Variants in RIOK3 observed in about 807,000 individuals in gnomAD.
RIOK3 encodes the protein RIO kinase 3, also known as serine/threonine-protein kinase RIO3.
Under a neutral mutation model 63.5 loss-of-function variants are expected in RIOK3, and 40 were observed. That is an observed-to-expected ratio of 0.63 (90% confidence interval 0.49 to 0.82). RIOK3 has a LOEUF of 0.82. Among genes scored for constraint, RIOK3 ranks in the 40% least tolerant of loss-of-function variants. The pLI, the probability that RIOK3 is intolerant of heterozygous loss-of-function variation, is 0.00. For synonymous variants in RIOK3, 193 were observed against 205.0 expected (o/e 0.94, Z 0.50); for missense variants, 557 against 637.0 (o/e 0.87, Z 1.35).
chr18:23,474,889 A>G (rs2057478903), intron 8 of RIOK3, 59 bp from the exon 9 acceptor site: 2 of 1,303,936 alleles, frequency 1.5e-6, no homozygotes, highest in South Asian at 1.3e-5. Flanking sequence ...TTTATTGAAT[A>G]AATGACATAT....
chr18:23,481,508 A>G lies in RIOK3; in HGVS notation c.*229A>G. On this transcript the variant is annotated 3_prime_UTR_variant, in exon 13 of 13. Transcript: ENST00000339486. ...ATGAACAGGATAATATAATTCTTTAACAGCTATAGGTTATCTGGCTGAAGT... is the reference window on the plus strand; with the variant it reads ...ATGAACAGGATAATATAATTCTTTAGCAGCTATAGGTTATCTGGCTGAAGT... The G allele has an allele frequency of 2.5e-6, 1 of 395,470 alleles. No homozygotes were observed. Among genetic ancestry groups the G allele is most frequent in the Non-Finnish European group, 4.5e-6 (1 of 223,558 alleles). 24.5% of individuals were successfully genotyped at this position (395,470 alleles called of 1,614,324 possible). A position where few individuals can be genotyped will look rare whatever the true frequency, so the allele number is the denominator to read the frequency against.
chr18:23,472,279 A>G (rs1314967448), intron 7 of RIOK3, among the ~76,000 whole-genome samples: 1 of 152,080 alleles, frequency 6.6e-6, no homozygotes, highest in Non-Finnish European at 1.5e-5. Flanking sequence ...GATGATATTT[A>G]GAGCCATGGG....
In RIOK3 at chr18:23,463,033, A is replaced by G; in HGVS notation, c.133A>G (p.Lys45Glu). 6.2e-7 allele frequency: 1 copy of G among 1,610,518 alleles called. No homozygotes were observed. Among genetic ancestry groups the G allele is most frequent in the Non-Finnish European group, 8.5e-7 (1 of 1,178,750 alleles). ...TGATGTAATGAGTGAACAGCTGGCC[A>G]AAGAATTGCAGTTAGAAGAAGAAGC... is the stretch of plus-strand genomic sequence containing the variant. ...LADVMSEQLA[K>E]ELQLEEEAAV... Residue 45 changes from lysine (K) to glutamate (E), a missense_variant, in exon 2 of 13, where the codon AAA becomes GAA. By Grantham distance (56) the Lys-to-Glu change is moderately conservative. Transcript: ENST00000339486.
chr18:23,465,347 G>A (rs927705830), intron 5 of RIOK3, among the ~76,000 whole-genome samples: 9 of 151,920 alleles, frequency 5.9e-5, no homozygotes, highest in Non-Finnish European at 1.2e-4. Flanking sequence ...CTCCAGCCTG[G>A]GCAACAAGAG....
In RIOK3 at chr18:23,476,858, G is replaced by C. The variant is rs2057494383; in HGVS notation, c.1174-148G>C. 3 of 598,684 alleles carry C rather than the reference G, an allele frequency of 5.0e-6. No homozygotes were observed. The Admixed American group carries it at 8.4e-5, about 17-fold the overall frequency. The allele number at this position is 598,684 out of a possible 1,614,324, so 37.1% of individuals were successfully genotyped here. A position where few individuals can be genotyped will look rare whatever the true frequency, so the allele number is the denominator to read the frequency against. On this transcript the variant is annotated intron_variant, in intron 9 of 12. Coordinates refer to ENST00000339486, the MANE Select transcript of RIOK3 (RefSeq NM_003831.5). ...ACCAGGGAGGCGGAGCTTGCAGTGA[G>C]CTGAGATCACACCACTGCACTCCAG...
chr18:23,472,271 T>C (rs2057461531), intron 7 of RIOK3, among the ~76,000 whole-genome samples: 1 of 150,822 alleles, frequency 6.6e-6, no homozygotes, highest in African/African-American at 2.4e-5. Flanking sequence ...TATATAGAGA[T>C]GATATTTAGA....
chr18:23,458,722 T>C (rs2057356134), intron 1 of RIOK3, among the ~76,000 whole-genome samples: 1 of 152,212 alleles, frequency 6.6e-6, no homozygotes, highest in Non-Finnish European at 1.5e-5. Flanking sequence ...ATACAACCTA[T>C]GGTACCTGTT....
chr18:23,469,551 A>C (rs1202576760), intron 7 of RIOK3, among the ~76,000 whole-genome samples: 1 of 146,168 alleles, frequency 6.8e-6, no homozygotes, highest in Non-Finnish European at 1.5e-5. Context: ...GCAATGGCGC[A>C]ATCTTGGCTC....
intron 11 of RIOK3, 135 bp downstream of exon 11, chr18:23,477,403 A>G: frequency 1.4e-6 from 1 of 693,796 alleles, no homozygotes; most frequent in Non-Finnish European, 2.6e-6. Context: ...CAGGACAAGG[A>G]TATAAAGATC....
chr18:23,471,372 G>A (rs1252692762), intron 7 of RIOK3, among the ~76,000 whole-genome samples: 6 of 152,166 alleles, frequency 3.9e-5, no homozygotes, highest in Non-Finnish European at 8.8e-5. Context: ...TGAGGGAAGC[G>A]TAAGAAACCC....
Position 23,469,419 on chromosome 18 carries a change from T to TC in RIOK3, c.815+1894dup, listed in dbSNP as rs1199926922. The stretch of plus-strand genomic sequence containing the variant: ...TCCTCTCTCCCCTCTCTCCTCTCTC[T>TC]CTCTCTCTCTCCCTCTCCTCTCTCC... On this transcript the variant is annotated intron_variant, in intron 7 of 12. Coordinates refer to ENST00000339486, the MANE Select transcript of RIOK3 (RefSeq NM_003831.5). Among the ~76,000 whole-genome samples the TC allele has an allele frequency of 4.1e-3, 497 of 120,902 alleles. 16 individuals are homozygous for TC. The highest frequency in any genetic ancestry group is 0.015 in the African/African-American group (472 of 32,302). The allele number at this position is 120,902 out of a possible 152,430, so 79.3% of individuals were successfully genotyped here.
intron 9 of RIOK3, 121 bp from the exon 10 acceptor site, chr18:23,476,885 C>T (rs1431117568): frequency 6.9e-6 from 5 of 729,514 alleles, no homozygotes; most frequent in African/African-American, 3.5e-5. Flanking sequence ...GCACTCCAGC[C>T]TGGGCGACAG....
rs772144872 is a variant in RIOK3, at chr18:23,464,591, T to C, written c.506T>C (p.Val169Ala). The change falls in exon 5 of 13, where the codon GTA becomes GCA. Residue 169 changes from valine (V) to alanine (A), a missense_variant. Physicochemically the swap from Val to Ala is moderately conservative, Grantham distance 64. This residue lies in a region of RIOK3 where 243 missense variants were observed against 275.4 expected (regional missense o/e 0.88). Transcript: ENST00000339486. ...GATATCACCACCAAACATGATGAAGTAGTATGTGGGAGAAAGAACACAGCA... is the reference window on the plus strand; with the variant it reads ...GATATCACCACCAAACATGATGAAGCAGTATGTGGGAGAAAGAACACAGCA... ...GKDITTKHDE[V>A]VCGRKNTARM... is the part of the protein sequence containing the mutation. 7 of 1,602,508 alleles carry C rather than the reference T, an allele frequency of 4.4e-6. No individual in the cohort carries two copies. Among genetic ancestry groups the C allele is most frequent in the Non-Finnish European group, 6.0e-6 (7 of 1,174,308 alleles).
intron 12 of RIOK3, among the ~76,000 whole-genome samples, chr18:23,480,555 G>GCACACACACACA (rs59552026): frequency 0.081 from 11,513 of 141,848 alleles, 531 homozygotes; most frequent in Non-Finnish European, 0.089. Flanking sequence ...TTGGATGCAC[G>GCACACACACACA]CACACACACA....
At chr18:23,470,640 G>C (rs565344278) in intron 7 of RIOK3, among the ~76,000 whole-genome samples, 3 of 152,170 alleles carry the variant, frequency 2.0e-5, no homozygotes, top group African/African-American at 7.2e-5. Flanking sequence ...AAGGGTGGGA[G>C]AGTTGAAGTT....
At chr18:23,457,869 C>T (rs2057350563) in intron 1 of RIOK3, among the ~76,000 whole-genome samples, 1 of 151,674 alleles carries the variant, frequency 6.6e-6, no homozygotes, top group Non-Finnish European at 1.5e-5. Context: ...ATTTTTGTTG[C>T]TGTGTGCCTC....
At chr18:23,455,324 C>T (rs866047652) in intron 1 of RIOK3, among the ~76,000 whole-genome samples, 1 of 151,772 alleles carries the variant, frequency 6.6e-6, no homozygotes, top group Non-Finnish European at 1.5e-5. Flanking sequence ...CCACCCGCCT[C>T]GGCCTCCCAC....
At chr18:23,475,881 A>G (rs1212424517) in intron 9 of RIOK3, among the ~76,000 whole-genome samples, 2 of 151,552 alleles carry the variant, frequency 1.3e-5, no homozygotes, top group Non-Finnish European at 1.5e-5. Flanking sequence ...TGCTGTTAGT[A>G]CATTTAGCAA....
At position 23,467,375 on chromosome 18, in the gene RIOK3, C is replaced by A. The variant is rs772042618; in HGVS notation, c.688-24C>A. ...ATTTTGTGATTAGCAGTCATTTTCACTTACAGTGCTTTATCTCTTGCAGGA... is the reference window on the plus strand; with the variant it reads ...ATTTTGTGATTAGCAGTCATTTTCAATTACAGTGCTTTATCTCTTGCAGGA... On this transcript the variant is annotated intron_variant, in intron 6 of 12. Coordinates refer to ENST00000339486, the MANE Select transcript of RIOK3 (RefSeq NM_003831.5). 5 of 1,593,418 alleles carry A rather than the reference C, an allele frequency of 3.1e-6. No homozygotes were observed. In the African/African-American group the frequency reaches 6.8e-5, roughly 22 times the overall value.
Sources: gnomAD v4.1 joint callset for allele counts (sites outside exome capture counted in the v4.1 genomes callset) on GRCh38, gnomAD v4.1.1 for gene constraint, gnomAD v4.1.1 regional missense constraint, MANE v1.5 for transcripts, NCBI Gene and HGNC (gene_info 2026-07-23, HGNC 2026-07-21) for gene names.